MARK1: variants seen among roughly 807,000 people sequenced by gnomAD.
The protein encoded by MARK1 is serine/threonine-protein kinase MARK1.
In MARK1, 40 loss-of-function variants were observed where a neutral mutation model predicts 96.3. The observed-to-expected ratio is 0.42, with a 90% CI of 0.32 to 0.54. MARK1 has a LOEUF of 0.54. Among genes scored for constraint, MARK1 ranks in the 20% least tolerant of loss-of-function variants. MARK1 has a pLI of 0.16. For synonymous variants in MARK1, 317 were observed against 341.2 expected (o/e 0.93, Z 0.78); for missense variants, 719 against 984.6 (o/e 0.73, Z 3.61).
At chr1:220,530,530 C>T (rs1202887765) in intron 1 of MARK1, among the ~76,000 whole-genome samples, 1 of 152,082 alleles carries the variant, frequency 6.6e-6, no homozygotes, top group Non-Finnish European at 1.5e-5. Context: ...TGGAAAAATA[C>T]ATTGTTTTTA....
chr1:220,595,034 C>T (rs566519403), intron 3 of MARK1, among the ~76,000 whole-genome samples: 85 of 152,112 alleles, frequency 5.6e-4, no homozygotes, highest in African/African-American at 1.9e-3. Context: ...GTAGCTCCAT[C>T]GATTATAACA....
At chr1:220,622,285 T>C (rs1667086925) in intron 9 of MARK1, among the ~76,000 whole-genome samples, 1 of 152,232 alleles carries the variant, frequency 6.6e-6, no homozygotes, top group Non-Finnish European at 1.5e-5. Flanking sequence ...AGATGGACTA[T>C]ATTACCTTTC....
chr1:220,655,272 G>C (rs1049522475), intron 16 of MARK1, among the ~76,000 whole-genome samples: 3 of 152,026 alleles, frequency 2.0e-5, no homozygotes, highest in African/African-American at 4.8e-5. Flanking sequence ...CACTCTTGGT[G>C]ATCTCAGTCA....
chr1:220,567,614 A>G (rs775472536), intron 1 of MARK1, among the ~76,000 whole-genome samples: 3 of 152,172 alleles, frequency 2.0e-5, no homozygotes, highest in South Asian at 2.1e-4. Flanking sequence ...TATCAGAAAT[A>G]TTGAAAGGCA....
intron 13 of MARK1, 22 bp downstream of exon 13, chr1:220,636,048 T>C: frequency 6.8e-7 from 1 of 1,480,688 alleles, no homozygotes; most frequent in Non-Finnish European, 9.1e-7. Context: ...CTCTGGTATA[T>C]TGCAATTTAT....
intron 9 of MARK1, among the ~76,000 whole-genome samples, chr1:220,623,355 A>G (rs941454018): frequency 6.6e-6 from 1 of 152,178 alleles, no homozygotes; most frequent in Non-Finnish European, 1.5e-5. Flanking sequence ...CTTCCCTTTC[A>G]TGTATCCATA....
chr1:220,557,773 G>A (rs1254835824), intron 1 of MARK1, among the ~76,000 whole-genome samples: 1 of 152,054 alleles, frequency 6.6e-6, no homozygotes, highest in African/African-American at 2.4e-5. Flanking sequence ...TGCCAAAAAA[G>A]AGCAATTGCT....
At chr1:220,616,115 G>GC in intron 7 of MARK1, 120 bp downstream of exon 7, 2 of 428,238 alleles carry the variant, frequency 4.7e-6, no homozygotes, top group Non-Finnish European at 8.1e-6. Flanking sequence ...TATACAAGTA[G>GC]TTAGTTTTTG....
chr1:220,656,417 T>C (rs1292075198), intron 16 of MARK1, among the ~76,000 whole-genome samples: 1 of 152,224 alleles, frequency 6.6e-6, no homozygotes, highest in Non-Finnish European at 1.5e-5. Flanking sequence ...AGGTGTTTGC[T>C]AATAGTGAAT....
chr1:220,576,503 G>C (rs923919831), intron 1 of MARK1: 9 of 151,902 alleles, frequency 5.9e-5, no homozygotes, highest in Admixed American at 2.0e-4. Context: ...TCCTGGAAAA[G>C]TTACATGGCA....
At chr1:220,573,091 A>G (rs1304203907) in intron 1 of MARK1, among the ~76,000 whole-genome samples, 3 of 152,020 alleles carry the variant, frequency 2.0e-5, no homozygotes, top group Non-Finnish European at 4.4e-5. Flanking sequence ...GCATGGTTTC[A>G]GCAATTTGAC....
At chr1:220,539,590 T>C (rs1660987093) in intron 1 of MARK1, among the ~76,000 whole-genome samples, 2 of 152,202 alleles carry the variant, frequency 1.3e-5, no homozygotes, top group African/African-American at 4.8e-5. Flanking sequence ...GAAAGGGTAC[T>C]GAATTGTGTC....
intron 1 of MARK1, among the ~76,000 whole-genome samples, chr1:220,557,256 C>T (rs1662331824): frequency 6.6e-6 from 1 of 152,198 alleles, no homozygotes; most frequent in African/African-American, 2.4e-5. Flanking sequence ...ATGTTATCTT[C>T]TTAACTAAAT....
chr1:220,569,227 A>C (rs1283362492), intron 1 of MARK1, among the ~76,000 whole-genome samples: 1 of 152,138 alleles, frequency 6.6e-6, no homozygotes, highest in Non-Finnish European at 1.5e-5. Context: ...ATATTTGCCC[A>C]TTTTAAAAAT....
intron 15 of MARK1, among the ~76,000 whole-genome samples, chr1:220,652,785 G>A (rs1041191959): frequency 6.6e-6 from 1 of 152,092 alleles, no homozygotes; most frequent in Non-Finnish European, 1.5e-5. Flanking sequence ...AATAAAATTT[G>A]TGTTCAACAT....
chr1:220,619,555 A>G (rs938301504), intron 9 of MARK1, among the ~76,000 whole-genome samples: 2 of 152,208 alleles, frequency 1.3e-5, no homozygotes, highest in Non-Finnish European at 2.9e-5. Flanking sequence ...AGTACAACAT[A>G]CTGGAAACAG....
At chr1:220,616,654 G>T (rs190188253) in intron 7 of MARK1, among the ~76,000 whole-genome samples, 5 of 148,390 alleles carry the variant, frequency 3.4e-5, no homozygotes, top group East Asian at 2.0e-4. Context: ...ACCAGTTTGG[G>T]TTATATTTGA....
At chr1:220,635,728 T>A in intron 12 of MARK1, 105 bp from the exon 13 acceptor site, 1 of 1,185,016 alleles carries the variant, frequency 8.4e-7, no homozygotes, top group Non-Finnish European at 1.2e-6. Flanking sequence ...GTTCAGAGTT[T>A]AAAGCATGCA....
chr1:220,627,767 A>T (rs1667434865), intron 9 of MARK1: 1 of 160,076 alleles, frequency 6.2e-6, no homozygotes, highest in South Asian at 1.8e-4. Context: ...ATGCCTGCTT[A>T]GTAGCTTTGG....
Sources: gnomAD v4.1 joint callset for allele counts (sites outside exome capture counted in the v4.1 genomes callset) on GRCh38, gnomAD v4.1.1 for gene constraint, MANE v1.5 for transcripts, NCBI Gene and HGNC (gene_info 2026-07-23, HGNC 2026-07-21) for gene names.